Variants in KIAA0930 observed in about 807,000 individuals in gnomAD.
KIAA0930 encodes KIAA0930, also known as uncharacterized protein KIAA0930.
In KIAA0930, 24 loss-of-function variants were observed where a neutral mutation model predicts 43.9. That is an observed-to-expected ratio of 0.55 (90% CI 0.40 to 0.77). KIAA0930 has a LOEUF of 0.77. Ranked by LOEUF, KIAA0930 falls within the 30% of genes least tolerant of loss-of-function variation. KIAA0930 has a pLI of 0.00. For missense variants in KIAA0930, 461 were observed against 574.2 expected (o/e 0.80, Z 2.02); for synonymous variants, 259 against 216.4 (o/e 1.20, Z -1.73).
At position 45,231,125 on chromosome 22, in the gene KIAA0930, C is replaced by T. The variant is rs138877444; in HGVS notation, c.64+9515G>A. Among the ~76,000 whole-genome samples, 529 of 151,094 alleles carry T rather than the reference C, an allele frequency of 3.5e-3. 5 individuals are homozygous for T. The highest frequency in any genetic ancestry group is 0.012 in the African/African-American group (506 of 41,152). On this transcript the variant is annotated intron_variant, in intron 1 of 9. Coordinates refer to ENST00000336156, the MANE Select transcript of KIAA0930 (RefSeq NM_001009880.2). ...AAAATCAGCCAGGCATGGTGGTGGCCGCCTATAATCCCAGCTACTCAGGAA... is the reference window on the plus strand; with the variant it reads ...AAAATCAGCCAGGCATGGTGGTGGCTGCCTATAATCCCAGCTACTCAGGAA...
chr22:45,217,088 C>T (rs5766550), intron 1 of KIAA0930, among the ~76,000 whole-genome samples: 23,957 of 152,036 alleles, frequency 0.16, 2,202 homozygotes, highest in African/African-American at 0.25. Flanking sequence ...AGGCCAGATG[C>T]GGCGGTTCAT....
intron 1 of KIAA0930, among the ~76,000 whole-genome samples, chr22:45,216,484 C>T (rs1303424206): frequency 6.6e-6 from 1 of 152,058 alleles, no homozygotes. Flanking sequence ...GCTTGGATGA[C>T]GTCAGTGGAT....
At chr22:45,234,030 G>A (rs1404521453) in intron 1 of KIAA0930, among the ~76,000 whole-genome samples, 1 of 152,228 alleles carries the variant, frequency 6.6e-6, no homozygotes, top group Admixed American at 6.5e-5. Context: ...AGCCTGGACT[G>A]GGGCTTGCAG....
intron 9 of KIAA0930, 126 bp downstream of exon 9, chr22:45,197,664 C>G: frequency 1.0e-6 from 1 of 989,438 alleles, no homozygotes; most frequent in South Asian, 1.5e-5. Context: ...AAGAGCCCTG[C>G]AAAGAAACCC....
chr22:45,209,170 A>G (rs1046977994), intron 2 of KIAA0930, among the ~76,000 whole-genome samples: 2 of 152,340 alleles, frequency 1.3e-5, no homozygotes, highest in African/African-American at 4.8e-5. Flanking sequence ...TGCTAGGTGC[A>G]GGAGGCCCGG....
chr22:45,239,508 G>A (rs1242236511), intron 1 of KIAA0930, among the ~76,000 whole-genome samples: 1 of 152,158 alleles, frequency 6.6e-6, no homozygotes, highest in Non-Finnish European at 1.5e-5. Flanking sequence ...TCACTGGGAA[G>A]CCTCCCATGC....
rs763114427 is a variant in KIAA0930 at position 45,197,810 on chromosome 22, G to C, written c.1154C>G (p.Pro385Arg). ...LYAHLTYVTLPLHRILTDILE... is the reference protein window; with the variant it reads ...LYAHLTYVTLRLHRILTDILE... The stretch of plus-strand genomic sequence containing the variant: ...ATTACCTGTTAAAATCCGATGCAGC[G>C]GCAACGTGACGTAGGTTAAGTGTGC... The change falls in exon 9 of 10, where the codon CCG becomes CGG. Residue 385 changes from proline (P) to arginine (R), a missense_variant. Transcript: ENST00000336156. 3.7e-6 allele frequency: 6 copies of C among 1,614,202 alleles called. No individual in the cohort carries two copies. Among genetic ancestry groups the C allele is most frequent in the South Asian group, 3.3e-5 (3 of 91,070 alleles).
rs1326862905 is a variant in KIAA0930 at position 45,234,982 on chromosome 22, C to CA, written c.64+5657_64+5658insT. On this transcript the variant is annotated intron_variant, in intron 1 of 9. Coordinates refer to ENST00000336156, the MANE Select transcript of KIAA0930 (RefSeq NM_001009880.2). Reference sequence around the variant, plus strand: ...ATAATTGTTTCCTATTTTCTAGTTTCCGTAATGTGCATGTGACTTTTTTTT... The same window carrying CA: ...ATAATTGTTTCCTATTTTCTAGTTTCACGTAATGTGCATGTGACTTTTTTTT... Among the ~76,000 whole-genome samples the CA allele has an allele frequency of 3.4e-5, 5 of 146,912 alleles. No individual in the cohort carries two copies. The Admixed American group carries it at 3.5e-4, about 10-fold the overall frequency.
intron 7 of KIAA0930, 105 bp from the exon 8 acceptor site, chr22:45,200,140 G>A: frequency 4.2e-6 from 5 of 1,199,952 alleles, no homozygotes; most frequent in Non-Finnish European, 5.6e-6. Flanking sequence ...ACAGCTCCCA[G>A]GGAAGAGGCC....
chr22:45,230,668 G>A (rs1197946445), intron 1 of KIAA0930, among the ~76,000 whole-genome samples: 2 of 145,348 alleles, frequency 1.4e-5, no homozygotes, highest in African/African-American at 2.6e-5. Context: ...TGCAACCTCC[G>A]CCTCCCGGGT....
At chr22:45,220,739 C>T (rs2083762569) in intron 1 of KIAA0930, among the ~76,000 whole-genome samples, 1 of 152,164 alleles carries the variant, frequency 6.6e-6, no homozygotes, top group Non-Finnish European at 1.5e-5. Flanking sequence ...CAATACCATG[C>T]CCAGCTGTGT....
intron 1 of KIAA0930, chr22:45,235,330 G>A (rs769960844): frequency 6.6e-6 from 1 of 152,274 alleles, no homozygotes; most frequent in Non-Finnish European, 1.5e-5. Context: ...GTAGGGTCCA[G>A]CGTCCTCAGG....
chr22:45,232,362 A>G (rs190658554), intron 1 of KIAA0930, among the ~76,000 whole-genome samples: 2 of 152,338 alleles, frequency 1.3e-5, no homozygotes, highest in Admixed American at 1.3e-4. Context: ...AGCACATCCC[A>G]ATACAAAGCC....
At position 45,227,244 on chromosome 22, in the gene KIAA0930, T is replaced by G. The variant is rs140268824; in HGVS notation, c.64+13396A>C. Among the ~76,000 whole-genome samples, 10 of 152,302 alleles carry G rather than the reference T, an allele frequency of 6.6e-5. No individual in the cohort carries two copies. The East Asian group carries it at 1.4e-3, about 21-fold the overall frequency. ...TTCTGGGCCCTTCTGCGGCTCTGCCTTCCCAGGGGTCTCAGTCCCCTGCTC... is the reference window on the plus strand; with the variant it reads ...TTCTGGGCCCTTCTGCGGCTCTGCCGTCCCAGGGGTCTCAGTCCCCTGCTC... On this transcript the variant is annotated intron_variant, in intron 1 of 9. Transcript: ENST00000336156.
intron 1 of KIAA0930, chr22:45,213,334 C>CT: frequency 7.7e-7 from 1 of 1,303,736 alleles, no homozygotes; most frequent in South Asian, 1.2e-5. Flanking sequence ...CTCCCATGCC[C>CT]TGCCTGGCTC....
chr22:45,232,077 G>C (rs1569085249), intron 1 of KIAA0930, among the ~76,000 whole-genome samples: 2 of 152,184 alleles, frequency 1.3e-5, no homozygotes, highest in African/African-American at 2.4e-5. Context: ...GTTTCAGAAA[G>C]AACCAGAAGG....
At position 45,195,236 on chromosome 22, in the gene KIAA0930, G is replaced by A. The variant is rs911317636; in HGVS notation, c.*1940C>T. The A allele has an allele frequency of 6.6e-6, 1 of 152,190 alleles. No individual in the cohort carries two copies. The highest frequency in any genetic ancestry group is 1.5e-5 in the Non-Finnish European group (1 of 68,044). 9.4% of individuals were successfully genotyped at this position (152,190 alleles called of 1,614,324 possible). A position where few individuals can be genotyped will look rare whatever the true frequency, so the allele number is the denominator to read the frequency against. On this transcript the variant is annotated 3_prime_UTR_variant, in exon 10 of 10. Coordinates refer to ENST00000336156, the MANE Select transcript of KIAA0930 (RefSeq NM_001009880.2). ...GCTTGGCCAAATGCTGGCCCCAGAG[G>A]AGACAACCTTCTCCCGCCCCTCACC...
At chr22:45,216,409 G>A (rs1160205379) in intron 1 of KIAA0930, among the ~76,000 whole-genome samples, 1 of 152,170 alleles carries the variant, frequency 6.6e-6, no homozygotes, top group Non-Finnish European at 1.5e-5. Flanking sequence ...GTGGGCTGCT[G>A]GAGACCCTCT....
intron 1 of KIAA0930, among the ~76,000 whole-genome samples, chr22:45,239,565 A>G (rs564731344): frequency 6.6e-6 from 1 of 151,276 alleles, no homozygotes; most frequent in South Asian, 2.1e-4. Flanking sequence ...TCCTCTCTCC[A>G]CTCCAGCCTC....
Sources: allele counts gnomAD v4.1 joint callset (sites outside exome capture counted in the v4.1 genomes callset), GRCh38; gene constraint gnomAD v4.1.1; transcripts MANE v1.5; gene names NCBI Gene and HGNC (gene_info 2026-07-23, HGNC 2026-07-21).